The following OPCML variants were observed in gnomAD, a reference collection of about 807,000 sequenced individuals.
OPCML encodes opioid-binding protein/cell adhesion molecule.
Under a neutral mutation model 37.8 loss-of-function variants are expected in OPCML, and 13 were observed. That is an observed-to-expected ratio of 0.34 (90% confidence interval 0.22 to 0.55). OPCML has a LOEUF of 0.55. Ranked by LOEUF, OPCML falls within the 20% of genes least tolerant of loss-of-function variation. The pLI is 0.91. For missense variants in OPCML, 341 were observed against 435.6 expected, an observed-to-expected ratio of 0.78 and a Z score of 1.93; for synonymous variants, 176 against 168.8, an observed-to-expected ratio of 1.04 and a Z score of -0.33.
intron 1 of OPCML, among the ~76,000 whole-genome samples, chr11:133,013,024 A>G (rs1243528440): frequency 1.3e-5 from 2 of 152,302 alleles, no homozygotes; most frequent in African/African-American, 4.8e-5. Context: ...GGGACTTGGC[A>G]CCAGAGTTAT....
At chr11:133,246,110 A>G (rs1267122576) in intron 1 of OPCML, among the ~76,000 whole-genome samples, 1 of 152,202 alleles carries the variant, frequency 6.6e-6, no homozygotes, top group Non-Finnish European at 1.5e-5. Context: ...GTATCCCAGA[A>G]CTTAAAGTAA....
At position 133,383,114 on chromosome 11, in the gene OPCML, A is replaced by G. The variant is rs1944967020; in HGVS notation, c.61+149150T>C. Among the ~76,000 whole-genome samples, 3 of 151,974 alleles carry G rather than the reference A, an allele frequency of 2.0e-5. No individual in the cohort carries two copies. The South Asian group carries it at 6.2e-4, about 32-fold the overall frequency. On this transcript the variant is annotated intron_variant, in intron 1 of 7. Transcript: ENST00000524381. ...GTCACCCTGGCGACACACCTGAGCTATCTCTACCCCTCCCTCCCTTTCCTG... is the reference window on the plus strand; with the variant it reads ...GTCACCCTGGCGACACACCTGAGCTGTCTCTACCCCTCCCTCCCTTTCCTG...
chr11:132,872,098 A>G (rs1037024343), intron 2 of OPCML, among the ~76,000 whole-genome samples: 4 of 152,174 alleles, frequency 2.6e-5, no homozygotes, highest in Admixed American at 6.5e-5. Context: ...CTTCAAGGTG[A>G]GAGATTTGAT....
chr11:133,527,549 T>C (rs1948514429), intron 1 of OPCML, among the ~76,000 whole-genome samples: 3 of 152,202 alleles, frequency 2.0e-5, no homozygotes, highest in Admixed American at 1.3e-4. Flanking sequence ...GATTCTACCT[T>C]ATCTTCTCCC....
At position 132,943,929 on chromosome 11, in the gene OPCML, C is replaced by A. The variant is rs1455050070; in HGVS notation, c.62-919G>T. 6.6e-6 allele frequency among the ~76,000 whole-genome samples: 1 copy of A among 151,804 alleles called. No individual in the cohort carries two copies. ...AGCCCCGACGCGCGCGGGCCCGGAC[C>A]GCCGGGGTTGTCATGGCAGCAGCTC... On this transcript the variant is annotated intron_variant, in intron 1 of 7. Coordinates refer to ENST00000524381, the MANE Select transcript of OPCML (RefSeq NM_001012393.5). This position sits in a 1 kb window ranked among gnomAD's most constrained non-coding sequence, Gnocchi z 4.3.
chr11:133,274,528 C>T (rs1941938973), intron 1 of OPCML, among the ~76,000 whole-genome samples: 4 of 152,214 alleles, frequency 2.6e-5, no homozygotes, highest in African/African-American at 9.7e-5. Context: ...TCTGAGGCAG[C>T]ATGGCCCTGC....
chr11:133,229,638 C>T (rs894546755), intron 1 of OPCML, among the ~76,000 whole-genome samples: 1 of 151,916 alleles, frequency 6.6e-6, no homozygotes, highest in Non-Finnish European at 1.5e-5. Context: ...TCTACAGTAA[C>T]AACAAATCTG....
intron 7 of OPCML, among the ~76,000 whole-genome samples, chr11:132,424,441 T>C (rs1441359029): frequency 6.6e-6 from 1 of 152,124 alleles, no homozygotes; most frequent in Non-Finnish European, 1.5e-5. Context: ...TTTAATGACA[T>C]ATTCTATTCC....
intron 2 of OPCML, among the ~76,000 whole-genome samples, chr11:132,901,498 G>A (rs1216188693): frequency 1.3e-5 from 2 of 152,140 alleles, no homozygotes; most frequent in Admixed American, 6.5e-5. Flanking sequence ...TCTCAATCAC[G>A]GTTTGCTTCC....
In OPCML at chr11:132,898,917, C is replaced by G. The variant is rs567602277; in HGVS notation, c.146+44009G>C. 1.0e-4 allele frequency among the ~76,000 whole-genome samples: 15 copies of G among 150,322 alleles called. No individual in the cohort carries two copies. In the East Asian group the frequency reaches 2.9e-3, roughly 29 times the overall value. On this transcript the variant is annotated intron_variant, in intron 2 of 7. Coordinates refer to ENST00000524381, the MANE Select transcript of OPCML (RefSeq NM_001012393.5). ...CTATGTTATGGTGCTGACTGGGTGACTGATCCGGATCAGGAAGGGGAAACT... is the reference window on the plus strand; with the variant it reads ...CTATGTTATGGTGCTGACTGGGTGAGTGATCCGGATCAGGAAGGGGAAACT...
intron 1 of OPCML, among the ~76,000 whole-genome samples, chr11:133,160,761 G>C (rs1950130683): frequency 1.3e-5 from 2 of 152,226 alleles, no homozygotes; most frequent in Non-Finnish European, 2.9e-5. Context: ...GGGGAGCATG[G>C]ACTGGACTTG....
At chr11:132,695,503 A>G (rs1420128071) in intron 2 of OPCML, among the ~76,000 whole-genome samples, 2 of 152,198 alleles carry the variant, frequency 1.3e-5, no homozygotes, top group Non-Finnish European at 2.9e-5. Context: ...TTAACAATCC[A>G]TCTTCAAAGG....
chr11:132,780,167 G>A (rs750639700), intron 2 of OPCML, among the ~76,000 whole-genome samples: 1 of 152,176 alleles, frequency 6.6e-6, no homozygotes, highest in Admixed American at 6.5e-5. Flanking sequence ...ACAATAAAGG[G>A]TCATGCACTT....
At position 133,008,276 on chromosome 11, in the gene OPCML, G is replaced by A. The variant is rs1387393773; in HGVS notation, c.62-65266C>T. On this transcript the variant is annotated intron_variant, in intron 1 of 7. Transcript: ENST00000524381. ...CAAGAAATTGGGTGAATCATAGAGA[G>A]TTGACAATCAATTGTGGTGCATAAC... is the stretch of plus-strand genomic sequence containing the variant. 5.1e-6 allele frequency: 5 copies of A among 985,284 alleles called. No individual in the cohort carries two copies. In the African/African-American group the frequency reaches 5.2e-5, roughly 10 times the overall value. 61.0% of individuals were successfully genotyped at this position (985,284 alleles called of 1,614,324 possible). A position where few individuals can be genotyped will look rare whatever the true frequency, so the allele number is the denominator to read the frequency against.
chr11:132,956,438 C>T (rs573109619), intron 1 of OPCML, among the ~76,000 whole-genome samples: 2 of 152,258 alleles, frequency 1.3e-5, no homozygotes, highest in South Asian at 4.1e-4. Flanking sequence ...ATGATAGTGC[C>T]CCGCCTTTAT....
chr11:132,449,022 T>G (rs1263890436), intron 4 of OPCML, among the ~76,000 whole-genome samples: 1 of 152,192 alleles, frequency 6.6e-6, no homozygotes, highest in African/African-American at 2.4e-5. Flanking sequence ...ATGGCATTGA[T>G]GGACTGAGTT....
At chr11:132,912,488 G>C (rs994424827) in intron 2 of OPCML, among the ~76,000 whole-genome samples, 5 of 152,048 alleles carry the variant, frequency 3.3e-5, no homozygotes, top group Non-Finnish European at 7.4e-5. Context: ...TTATAAAAAA[G>C]CATATTTTTT....
chr11:132,850,860 T>C (rs1353530927), intron 2 of OPCML, among the ~76,000 whole-genome samples: 1 of 152,184 alleles, frequency 6.6e-6, no homozygotes, highest in Non-Finnish European at 1.5e-5. Flanking sequence ...CATCAAACAA[T>C]TGACAGTTTT....
intron 1 of OPCML, among the ~76,000 whole-genome samples, chr11:133,410,634 TAAAAAAAAAAAAAAAAA>T (rs71038527): frequency 0.011 from 503 of 46,996 alleles, 3 homozygotes; most frequent in African/African-American, 0.026. Flanking sequence ...AGAAAAAAAG[TAAAAAAAAAAAAAAAAA>T]AAAAAAAAAA....
Sources: allele counts gnomAD v4.1 joint callset (sites outside exome capture counted in the v4.1 genomes callset), GRCh38; gene constraint gnomAD v4.1.1; non-coding constraint Gnocchi (gnomAD v3.1); transcripts MANE v1.5; gene names NCBI Gene and HGNC (gene_info 2026-07-23, HGNC 2026-07-21).